The following SPOCK1 variants were observed in gnomAD, a reference collection of about 807,000 sequenced individuals.
SPOCK1 encodes the protein SPARC (osteonectin), cwcv and kazal like domains proteoglycan 1.
A neutral mutation model predicts 55.3 loss-of-function variants in SPOCK1; 23 were observed. The observed-to-expected ratio is 0.42, with a 90% CI of 0.30 to 0.59. The LOEUF is 0.59. Ranked by LOEUF, SPOCK1 falls within the 20% of genes least tolerant of loss-of-function variation. The pLI, the probability that SPOCK1 is intolerant of heterozygous loss-of-function variation, is 0.22. For synonymous variants in SPOCK1, 226 were observed against 221.0 expected, an observed-to-expected ratio of 1.02 and a Z score of -0.20; for missense variants, 499 against 552.5, an observed-to-expected ratio of 0.90 and a Z score of 0.97.
At chr5:137,215,120 A>G (rs964324694) in intron 3 of SPOCK1, among the ~76,000 whole-genome samples, 1 of 152,220 alleles carries the variant, frequency 6.6e-6, no homozygotes, top group Admixed American at 6.5e-5. Context: ...GGAGAAAACA[A>G]TATTTCTGAA....
rs1461810906 is a variant in SPOCK1, at chr5:137,272,015, G to C, written c.187-4960C>G. Among the ~76,000 whole-genome samples, 20 of 152,154 alleles carry C rather than the reference G, an allele frequency of 1.3e-4. 1 individual carries two copies. The highest frequency in any genetic ancestry group is 1.3e-3 in the Admixed American group (20 of 15,260). On this transcript the variant is annotated intron_variant, in intron 2 of 10. Transcript: ENST00000394945. The stretch of plus-strand genomic sequence containing the variant: ...GCAATAGAGACATAAACTGAAGGAA[G>C]CAAATTAAAAGGAGGGCAGGTAGTC...
In SPOCK1 at chr5:137,292,073, G is replaced by A. The variant is rs561539785; in HGVS notation, c.187-25018C>T. 5.3e-5 allele frequency among the ~76,000 whole-genome samples: 8 copies of A among 152,274 alleles called. No individual in the cohort carries two copies. The East Asian group carries it at 5.8e-4, about 11-fold the overall frequency. Reference sequence around the variant, plus strand: ...CTGCAGCCAAGAGAGAGGAGAAAGCGAGTGCAAGCCTGGATGCAGCCATGC... The same window carrying A: ...CTGCAGCCAAGAGAGAGGAGAAAGCAAGTGCAAGCCTGGATGCAGCCATGC... On this transcript the variant is annotated intron_variant, in intron 2 of 10. Coordinates refer to ENST00000394945, the MANE Select transcript of SPOCK1 (RefSeq NM_004598.4).
intron 3 of SPOCK1, among the ~76,000 whole-genome samples, chr5:137,166,981 T>C (rs1754659359): frequency 6.6e-6 from 1 of 151,980 alleles, no homozygotes; most frequent in Non-Finnish European, 1.5e-5. Context: ...ATAATAACAT[T>C]GAAAGTAAGT....
intron 3 of SPOCK1, among the ~76,000 whole-genome samples, chr5:137,259,496 G>A (rs556564183): frequency 3.2e-4 from 48 of 152,184 alleles, no homozygotes; most frequent in African/African-American, 9.6e-4. Context: ...TTGGGGGATG[G>A]GGAACTAGGG....
intron 2 of SPOCK1, among the ~76,000 whole-genome samples, chr5:137,398,250 T>C (rs1049102251): frequency 6.6e-6 from 1 of 152,106 alleles, no homozygotes; most frequent in South Asian, 2.1e-4. Context: ...ACCATGACAA[T>C]AATTTGTGAC....
intron 2 of SPOCK1, among the ~76,000 whole-genome samples, chr5:137,468,261 A>T (rs1355996301): frequency 1.3e-5 from 2 of 152,214 alleles, no homozygotes; most frequent in African/African-American, 4.8e-5. Context: ...TACATGGCAG[A>T]GATAGACTGA....
intron 2 of SPOCK1, among the ~76,000 whole-genome samples, chr5:137,279,693 C>T (rs1757133053): frequency 6.6e-6 from 1 of 152,190 alleles, no homozygotes. Flanking sequence ...GCTACTGCAG[C>T]TGGCTGCCGG....
intron 2 of SPOCK1, among the ~76,000 whole-genome samples, chr5:137,344,767 T>C (rs1300130741): frequency 1.3e-5 from 2 of 152,258 alleles, no homozygotes; most frequent in East Asian, 1.9e-4. Context: ...CGCAGGTTTC[T>C]GGATTCTACC....
chr5:137,493,901 G>A (rs895666490), intron 2 of SPOCK1, among the ~76,000 whole-genome samples: 1 of 152,126 alleles, frequency 6.6e-6, no homozygotes, highest in Non-Finnish European at 1.5e-5. Flanking sequence ...TAGATCAAAT[G>A]AGCAGATCAG....
intron 5 of SPOCK1, among the ~76,000 whole-genome samples, chr5:137,080,017 G>A (rs1752855959): frequency 6.6e-6 from 1 of 152,150 alleles, no homozygotes; most frequent in African/African-American, 2.4e-5. Context: ...ACAGATACGA[G>A]CACTAAGTAT....
At chr5:137,013,603 G>A (rs984893954) in intron 6 of SPOCK1, among the ~76,000 whole-genome samples, 6 of 152,046 alleles carry the variant, frequency 3.9e-5, no homozygotes, top group South Asian at 2.1e-4. Context: ...TGTGTAGTCC[G>A]AATGCCAACC....
At chr5:137,313,207 T>C (rs1757819299) in intron 2 of SPOCK1, among the ~76,000 whole-genome samples, 1 of 152,224 alleles carries the variant, frequency 6.6e-6, no homozygotes, top group Admixed American at 6.5e-5. Flanking sequence ...TGGAGATGTG[T>C]GTGTTTTAAT....
rs575815529 is a variant in SPOCK1, at chr5:136,979,645, C to T, written c.992-176G>A. On this transcript the variant is annotated intron_variant, in intron 9 of 10. Transcript: ENST00000394945. The stretch of plus-strand genomic sequence containing the variant: ...TTACAGGGCCCTTAACCTTTAGAGG[C>T]CCAAACGCGATGAGCTCTAAGGATG... 38 of 691,154 alleles carry T rather than the reference C, an allele frequency of 5.5e-5. 1 individual carries two copies. The South Asian group carries it at 6.7e-4, about 12-fold the overall frequency. 42.8% of individuals were successfully genotyped at this position (691,154 alleles called of 1,614,324 possible).
intron 2 of SPOCK1, among the ~76,000 whole-genome samples, chr5:137,379,565 C>A (rs1751415477): frequency 7.0e-6 from 1 of 143,426 alleles, no homozygotes; most frequent in Non-Finnish European, 1.5e-5. Flanking sequence ...AAACACCCTG[C>A]AAATGCTCCT....
chr5:137,388,843 C>G (rs1459245720), intron 2 of SPOCK1, among the ~76,000 whole-genome samples: 1 of 152,180 alleles, frequency 6.6e-6, no homozygotes, highest in Non-Finnish European at 1.5e-5. Context: ...AAAAGAAAAT[C>G]TATCTGAGGG....
chr5:137,024,107 T>C (rs1751623833), intron 6 of SPOCK1, among the ~76,000 whole-genome samples: 1 of 152,040 alleles, frequency 6.6e-6, no homozygotes, highest in Non-Finnish European at 1.5e-5. Context: ...CTCTCTGAAA[T>C]TCTAGTGCTA....
Position 137,488,064 on chromosome 5 carries a change from A to C in SPOCK1, c.186+10309T>G, listed in dbSNP as rs544459784. ...AGGATTTTCCTAAAAATACAGTCTG[A>C]GAACTACCTACATCAGAATCACCTG... On this transcript the variant is annotated intron_variant, in intron 2 of 10. Coordinates refer to ENST00000394945, the MANE Select transcript of SPOCK1 (RefSeq NM_004598.4). Among the ~76,000 whole-genome samples, 7 of 152,332 alleles carry C rather than the reference A, an allele frequency of 4.6e-5. No homozygotes were observed. The East Asian group carries it at 1.3e-3, about 29-fold the overall frequency.
At chr5:137,267,486 G>A (rs1458770025) in intron 2 of SPOCK1, among the ~76,000 whole-genome samples, 1 of 152,008 alleles carries the variant, frequency 6.6e-6, no homozygotes, top group Non-Finnish European at 1.5e-5. Flanking sequence ...ATCTTGTGGT[G>A]CACAGTTCCA....
intron 2 of SPOCK1, among the ~76,000 whole-genome samples, chr5:137,372,089 G>A (rs1314535897): frequency 2.6e-5 from 4 of 152,092 alleles, no homozygotes; most frequent in African/African-American, 7.2e-5. Flanking sequence ...TCATCCTAAG[G>A]CATTGAAATC....
Sources: gnomAD v4.1 joint callset for allele counts (sites outside exome capture counted in the v4.1 genomes callset) on GRCh38, gnomAD v4.1.1 for gene constraint, MANE v1.5 for transcripts, NCBI Gene and HGNC (gene_info 2026-07-23, HGNC 2026-07-21) for gene names.